The following CPA3 variants were observed in gnomAD, a reference collection of about 807,000 sequenced individuals.
The protein encoded by CPA3 is carboxypeptidase A3, also known as mast cell carboxypeptidase A.
A neutral mutation model predicts 55.8 loss-of-function variants in CPA3; 52 were observed. The ratio of observed to expected loss-of-function variants is 0.93; its 90% confidence interval spans 0.75 to 1.17. The LOEUF is 1.17. CPA3 is among the 50% of genes most tolerant of loss of function. The pLI, the probability that CPA3 is intolerant of heterozygous loss-of-function variation, is 0.00. For missense variants in CPA3, 547 were observed against 509.1 expected, an observed-to-expected ratio of 1.07 and a Z score of -0.72; for synonymous variants, 179 against 171.2, an observed-to-expected ratio of 1.05 and a Z score of -0.36.
At chr3:148,871,643 G>C (rs560541435) in intron 3 of CPA3, among the ~76,000 whole-genome samples, 2 of 152,194 alleles carry the variant, frequency 1.3e-5, no homozygotes, top group South Asian at 4.2e-4. Flanking sequence ...TTTTCACTCT[G>C]TCTTATGACA....
At chr3:148,881,137 T>C (rs148852862) in intron 6 of CPA3, among the ~76,000 whole-genome samples, 73 of 152,354 alleles carry the variant, frequency 4.8e-4, no homozygotes, top group African/African-American at 1.7e-3. Flanking sequence ...TATTTTCATA[T>C]TCCTGTGCTT....
intron 10 of CPA3, among the ~76,000 whole-genome samples, chr3:148,889,589 T>C (rs1387498261): frequency 6.6e-6 from 1 of 152,116 alleles, no homozygotes; most frequent in Admixed American, 6.6e-5. Context: ...ATCAGGAAGC[T>C]GGCCAGGCCT....
chr3:148,886,678 G>C (rs776324078), intron 10 of CPA3, among the ~76,000 whole-genome samples: 1 of 152,154 alleles, frequency 6.6e-6, no homozygotes, highest in Non-Finnish European at 1.5e-5. Flanking sequence ...CTGGGCAACA[G>C]AGCAAGACCT....
chr3:148,895,719 T>A (rs1714808416), intron 10 of CPA3, among the ~76,000 whole-genome samples: 1 of 152,210 alleles, frequency 6.6e-6, no homozygotes, highest in African/African-American at 2.4e-5. Flanking sequence ...AGCTTTGAAT[T>A]CTTATCTTTC....
rs745618307 is a variant in CPA3 at position 148,878,635 on chromosome 3, T to A, written c.373-12T>A. 1.3e-6 allele frequency: 2 copies of A among 1,592,792 alleles called. No individual in the cohort carries two copies. Among genetic ancestry groups the A allele is most frequent in the Non-Finnish European group, 1.7e-6 (2 of 1,166,826 alleles). ...TTTATTCTAATTTCTCAAAATTGAT[T>A]TTGCTCTTAAGATTGTGGCTTGGAC... On this transcript the variant is annotated splice_polypyrimidine_tract_variant and intron_variant, in intron 4 of 10. Coordinates refer to ENST00000296046, the MANE Select transcript of CPA3 (RefSeq NM_001870.4).
Position 148,883,603 on chromosome 3 carries a change from T to C in CPA3, c.779-10T>C. 4 of 1,612,466 alleles carry C rather than the reference T, an allele frequency of 2.5e-6. No individual in the cohort carries two copies. The highest frequency in any genetic ancestry group is 2.5e-6 in the Non-Finnish European group (3 of 1,179,150). On this transcript the variant is annotated splice_polypyrimidine_tract_variant and intron_variant, in intron 8 of 10. Transcript: ENST00000296046. ...CAGACTGTGGTCTCATCCACCTATG[T>C]CTTCTGCAGCCATTCCTAACACCAA...
intron 3 of CPA3, among the ~76,000 whole-genome samples, chr3:148,869,527 A>T (rs1714002501): frequency 2.0e-5 from 3 of 152,250 alleles, no homozygotes; most frequent in Admixed American, 2.0e-4. Context: ...TCAGAAGTAC[A>T]GCAATTAAAA....
chr3:148,878,106 GAGAT>G (rs893359793), intron 3 of CPA3, among the ~76,000 whole-genome samples: 9 of 152,170 alleles, frequency 5.9e-5, no homozygotes, highest in African/African-American at 2.2e-4. Flanking sequence ...ACTTATTAGT[GAGAT>G]AGTTTATATC....
In CPA3 at chr3:148,879,973, G is replaced by T. The variant is rs1004542241; in HGVS notation, c.576+84G>T. ...TAAGTGGCGACATCTTTCCAAACAC[G>T]CAATTCCACTTAGCTAGAAGAGCCC... On this transcript the variant is annotated intron_variant, in intron 6 of 10. Coordinates refer to ENST00000296046, the MANE Select transcript of CPA3 (RefSeq NM_001870.4). 2.3e-5 allele frequency: 21 copies of T among 908,770 alleles called. 1 individual carries two copies. Among genetic ancestry groups the T allele is most frequent in the Middle Eastern group, 4.3e-4 (2 of 4,602 alleles). 56.3% of individuals were successfully genotyped at this position (908,770 alleles called of 1,614,324 possible).
chr3:148,878,375 T>C, intron 3 of CPA3, 66 bp from the exon 4 acceptor site: 1 of 1,164,232 alleles, frequency 8.6e-7, no homozygotes, highest in Non-Finnish European at 1.3e-6. Context: ...TTTCTGCAAA[T>C]GAAAGATAAC....
rs1713876746 is a variant in CPA3, at chr3:148,865,554, C to A, written c.144+6C>A. On this transcript the variant is annotated splice_donor_region_variant and intron_variant, in intron 2 of 10. Coordinates refer to ENST00000296046, the MANE Select transcript of CPA3 (RefSeq NM_001870.4). ...ACTTGGCCAAAACCAATGAGGTAAG[C>A]ATTTAGAGGGATATTTTATCTTTTC... The A allele has an allele frequency of 6.2e-7, 1 of 1,608,946 alleles. No homozygotes were observed. The highest frequency in any genetic ancestry group is 8.5e-7 in the Non-Finnish European group (1 of 1,176,816).
chr3:148,880,987 T>C (rs1280122020), intron 6 of CPA3, among the ~76,000 whole-genome samples: 1 of 152,110 alleles, frequency 6.6e-6, no homozygotes, highest in Non-Finnish European at 1.5e-5. Context: ...TTTAGGTAGC[T>C]ACAGAAAGTG....
At chr3:148,881,749 A>G in intron 7 of CPA3, 117 bp downstream of exon 7, 1 of 473,880 alleles carries the variant, frequency 2.1e-6, no homozygotes, top group Non-Finnish European at 3.5e-6. Context: ...AGAAAAGTAT[A>G]TTTTTTAAAA....
At chr3:148,872,164 A>T (rs1389213777) in intron 3 of CPA3, among the ~76,000 whole-genome samples, 1 of 152,120 alleles carries the variant, frequency 6.6e-6, no homozygotes, top group Non-Finnish European at 1.5e-5. Context: ...TTTTTTACTT[A>T]TTTACAAAAT....
chr3:148,870,289 C>A (rs763543364), intron 3 of CPA3, among the ~76,000 whole-genome samples: 103 of 151,752 alleles, frequency 6.8e-4, no homozygotes, highest in Non-Finnish European at 1.1e-3. Flanking sequence ...TTTTATACCT[C>A]CATTACCTGA....
At chr3:148,874,028 T>C (rs1714142570) in intron 3 of CPA3, among the ~76,000 whole-genome samples, 1 of 152,246 alleles carries the variant, frequency 6.6e-6, no homozygotes, top group African/African-American at 2.4e-5. Flanking sequence ...TGTTTATGCC[T>C]GGCTGCTGGT....
intron 10 of CPA3, among the ~76,000 whole-genome samples, chr3:148,891,820 G>A (rs1456770020): frequency 6.6e-6 from 1 of 152,090 alleles, no homozygotes; most frequent in Non-Finnish European, 1.5e-5. Flanking sequence ...CTGCAACTAG[G>A]AACTGGCCAA....
chr3:148,891,684 A>G (rs1714675557), intron 10 of CPA3, among the ~76,000 whole-genome samples: 2 of 152,186 alleles, frequency 1.3e-5, no homozygotes, highest in Non-Finnish European at 2.9e-5. Flanking sequence ...AATTCCATAT[A>G]TTCTCAATCA....
At chr3:148,895,440 T>C (rs564413825) in intron 10 of CPA3, among the ~76,000 whole-genome samples, 22 of 152,338 alleles carry the variant, frequency 1.4e-4, no homozygotes, top group Admixed American at 4.6e-4. Context: ...TTTTTTCTTT[T>C]AAATCTTGGT....
Sources: allele counts gnomAD v4.1 joint callset (sites outside exome capture counted in the v4.1 genomes callset), GRCh38; gene constraint gnomAD v4.1.1; transcripts MANE v1.5; gene names NCBI Gene and HGNC (gene_info 2026-07-23, HGNC 2026-07-21).